The following CEP120 variants were observed in gnomAD, a reference collection of about 807,000 sequenced individuals.
The protein encoded by CEP120 is centrosomal protein of 120 kDa.
Under a neutral mutation model 126.5 loss-of-function variants are expected in CEP120, and 113 were observed. The observed-to-expected ratio is 0.89, with a 90% CI of 0.77 to 1.04. CEP120 has a LOEUF of 1.04. CEP120 is among the 50% of genes least tolerant of loss of function. The pLI, the probability that CEP120 is intolerant of heterozygous loss-of-function variation, is 0.00. For missense variants in CEP120, 1,230 were observed against 1,155.7 expected, an observed-to-expected ratio of 1.06 and a Z score of -0.93; for synonymous variants, 400 against 394.3, an observed-to-expected ratio of 1.01 and a Z score of -0.17.
intron 19 of CEP120, 56 bp downstream of exon 19, chr5:123,349,888 G>T: frequency 6.8e-7 from 1 of 1,480,272 alleles, no homozygotes; most frequent in Non-Finnish European, 9.3e-7. Flanking sequence ...ACCTCAAGTT[G>T]TACCTTCCCT....
chr5:123,369,719 T>A (rs1180096064), intron 17 of CEP120, among the ~76,000 whole-genome samples: 225 of 152,152 alleles, frequency 1.5e-3, no homozygotes, highest in African/African-American at 5.3e-3. Flanking sequence ...CCACCTTATG[T>A]GGGGTGGTAT....
rs529165835 is a variant in CEP120, at chr5:123,349,985, G to A, written c.2685C>T (p.Thr895=). The A allele has an allele frequency of 1.2e-5, 20 of 1,613,488 alleles. No individual in the cohort carries two copies. The highest frequency in any genetic ancestry group is 3.3e-5 in the Admixed American group (2 of 59,942). The change falls in exon 19 of 20, where the codon ACC becomes ACT. Residue 895 remains threonine, a synonymous_variant. Coordinates refer to ENST00000306467, the MANE Select transcript of CEP120 (RefSeq NM_001375405.1). The part of the protein sequence containing the change: ...LAAEEKDTVK[T]ERQELLDIRN... Reference sequence around the variant, plus strand: ...TTATATCCAACAATTCTTGTCGCTCGGTTTTTACTGTATCTTTTTCCTCAG... The same window carrying A: ...TTATATCCAACAATTCTTGTCGCTCAGTTTTTACTGTATCTTTTTCCTCAG...
intron 11 of CEP120, among the ~76,000 whole-genome samples, chr5:123,383,293 T>A (rs565392246): frequency 4.6e-5 from 7 of 152,200 alleles, no homozygotes; most frequent in African/African-American, 1.4e-4. Context: ...AATACACGCA[T>A]ACATTTACTA....
chr5:123,414,138 G>A (rs991755648), intron 3 of CEP120, among the ~76,000 whole-genome samples: 4 of 152,194 alleles, frequency 2.6e-5, no homozygotes, highest in Admixed American at 2.0e-4. Context: ...TTAGAGGCAT[G>A]ACCTCATCCC....
intron 14 of CEP120, among the ~76,000 whole-genome samples, chr5:123,379,507 A>C (rs926831172): frequency 6.6e-6 from 1 of 152,052 alleles, no homozygotes; most frequent in Non-Finnish European, 1.5e-5. Context: ...AAATGATTTA[A>C]TTATTTTCTC....
intron 19 of CEP120, among the ~76,000 whole-genome samples, chr5:123,348,365 A>G (rs1247436866): frequency 1.3e-5 from 2 of 152,204 alleles, no homozygotes; most frequent in Non-Finnish European, 2.9e-5. Flanking sequence ...AGCTAAATAT[A>G]TATTTGCTAA....
chr5:123,382,759 T>G lies in CEP120; in HGVS notation c.1991A>C (p.Gln664Pro). ...ALELEMWKEM[Q>P]EDIFENQLKQ... ...AACCTGATTTTCAAATATATCTTCTTGCATCTCCTTCCACATTTCTAGCTC... is the reference window on the plus strand; with the variant it reads ...AACCTGATTTTCAAATATATCTTCTGGCATCTCCTTCCACATTTCTAGCTC... The change falls in exon 13 of 20, where the codon CAA (glutamine) becomes CCA (proline). Residue 664 changes from glutamine to proline, a missense_variant. Physicochemically the swap from Gln to Pro is moderately conservative, Grantham distance 76 (BLOSUM62 -1). Coordinates refer to ENST00000306467, the MANE Select transcript of CEP120 (RefSeq NM_001375405.1). 6.2e-7 allele frequency: 1 copy of G among 1,612,440 alleles called. No individual in the cohort carries two copies. The highest frequency in any genetic ancestry group is 8.5e-7 in the Non-Finnish European group (1 of 1,179,344).
intron 18 of CEP120, among the ~76,000 whole-genome samples, chr5:123,361,909 A>C (rs375962899): frequency 3.9e-5 from 6 of 151,962 alleles, no homozygotes; most frequent in African/African-American, 1.4e-4. Context: ...GAAGAAACTA[A>C]TCAGAGAAAT....
In CEP120 at chr5:123,385,862, C is replaced by T. The variant is rs187370722; in HGVS notation, c.1580+656G>A. ...CAAAGCAATCTGCTCAAGTTGGCCT[C>T]CCAAAGTGCTGGGATTACAGGTGTA... On this transcript the variant is annotated intron_variant, in intron 10 of 19. Coordinates refer to ENST00000306467, the MANE Select transcript of CEP120 (RefSeq NM_001375405.1). Among the ~76,000 whole-genome samples, 452 of 152,238 alleles carry T rather than the reference C, an allele frequency of 3.0e-3. 6 individuals carry two copies. The highest frequency in any genetic ancestry group is 4.7e-3 in the Admixed American group (72 of 15,274).
chr5:123,400,789 G>C (rs576093671), intron 4 of CEP120: 12 of 716,206 alleles, frequency 1.7e-5, no homozygotes, highest in Non-Finnish European at 3.0e-5. Context: ...ACTCCCCCGC[G>C]GGTGGACTGA....
intron 2 of CEP120, 98 bp from the exon 3 acceptor site, chr5:123,416,222 T>C: frequency 1.4e-6 from 1 of 729,094 alleles, no homozygotes; most frequent in South Asian, 1.8e-5. Context: ...TATAATTTTG[T>C]TGGATAAAAC....
chr5:123,421,749 G>T (rs1361929916), intron 1 of CEP120, among the ~76,000 whole-genome samples: 1 of 152,126 alleles, frequency 6.6e-6, no homozygotes, highest in African/African-American at 2.4e-5. Flanking sequence ...AGCATGGTCA[G>T]TTATAAGTCT....
In CEP120 at chr5:123,386,550, A is replaced by G. The variant is rs1197233576; in HGVS notation, c.1548T>C (p.Thr516=). ...PQSYCAFDFA[T]MPHQLQDTFL... is the part of the protein sequence containing the mutation. The stretch of plus-strand genomic sequence containing the variant: ...AGGTGTCTTGCAGCTGATGAGGCAT[A>G]GTTGCAAAATCAAATGCACAGTAAG... The change falls in exon 10 of 20, where the codon ACT becomes ACC. Residue 516 remains threonine (T), a synonymous_variant. Transcript: ENST00000306467. 5 of 1,586,178 alleles carry G rather than the reference A, an allele frequency of 3.2e-6. No homozygotes were observed. The highest frequency in any genetic ancestry group is 1.8e-5 in the Admixed American group (1 of 54,866).
chr5:123,395,904 G>T (rs887890078), intron 5 of CEP120, among the ~76,000 whole-genome samples: 1 of 151,148 alleles, frequency 6.6e-6, no homozygotes, highest in Admixed American at 6.6e-5. Context: ...GGATGGTCTC[G>T]ATCTCCTGAC....
At chr5:123,405,696 C>CTATA (rs1187335941) in intron 4 of CEP120, among the ~76,000 whole-genome samples, 27 of 152,050 alleles carry the variant, frequency 1.8e-4, no homozygotes, top group African/African-American at 6.5e-4. Context: ...AACCATAAGG[C>CTATA]TATAGAATGC....
chr5:123,399,225 C>A lies in CEP120; in HGVS notation c.523G>T (p.Gly175Ter). Reference protein sequence around the residue: ...RDIVAVLNEEGGYHQIGPAEY... With the variant: ...RDIVAVLNEE Reference sequence around the variant, plus strand: ...GCTGGTCCAATCTGATGGTAGCCTCCCTCTTCATTCAGCACAGCCACAATG... The same window carrying A: ...GCTGGTCCAATCTGATGGTAGCCTCACTCTTCATTCAGCACAGCCACAATG... The change falls in exon 5 of 20, where the codon GGA (glycine) becomes TGA (stop). Residue 175 changes from glycine to a stop codon, truncating the protein, a stop_gained. Transcript: ENST00000306467. LOFTEE classifies it high-confidence loss of function. 1 of 1,613,990 alleles carries A rather than the reference C, an allele frequency of 6.2e-7. No homozygotes were observed. The highest frequency in any genetic ancestry group is 8.5e-7 in the Non-Finnish European group (1 of 1,179,878).
chr5:123,350,122 T>C (rs1769108587), intron 18 of CEP120, 33 bp from the exon 19 acceptor site: 2 of 1,560,062 alleles, frequency 1.3e-6, no homozygotes, highest in Non-Finnish European at 8.7e-7. Context: ...GTCATATCCT[T>C]AATATTAGGA....
chr5:123,399,406 A>G (rs1773023884), intron 4 of CEP120, 122 bp from the exon 5 acceptor site: 1 of 871,208 alleles, frequency 1.1e-6, no homozygotes, highest in Non-Finnish European at 1.7e-6. Context: ...TTAATATCTA[A>G]TAAGGTTTCC....
At chr5:123,423,610 T>A (rs566781399), upstream of CEP120, 1 of 152,910 alleles carries the variant, frequency 6.5e-6, no homozygotes, top group Admixed American at 6.5e-5. Flanking sequence ...TGAAGCTGCG[T>A]AGCCTTTAAG....
Sources: gnomAD v4.1 joint callset for allele counts (sites outside exome capture counted in the v4.1 genomes callset) on GRCh38, gnomAD v4.1.1 for gene constraint, MANE v1.5 for transcripts, NCBI Gene and HGNC (gene_info 2026-07-23, HGNC 2026-07-21) for gene names.